KCNH5: variants seen among roughly 807,000 people sequenced by gnomAD.
KCNH5 encodes the protein potassium voltage-gated channel subfamily H member 5.
KCNH5 carries 46 observed loss-of-function variants against 96.1 expected under a neutral mutation model. The ratio of observed to expected loss-of-function variants is 0.48; its 90% CI spans 0.38 to 0.61. The LOEUF (loss-of-function observed/expected upper bound fraction) is 0.61. Ranked by LOEUF, KCNH5 falls within the 20% of genes least tolerant of loss-of-function variation. The pLI is 0.00. For synonymous variants in KCNH5, 439 were observed against 449.8 expected (o/e 0.98, Z 0.30); for missense variants, 907 against 1,225.8 (o/e 0.74, Z 3.88).
At chr14:62,838,163 A>G (rs773680896) in intron 8 of KCNH5, among the ~76,000 whole-genome samples, 1 of 152,310 alleles carries the variant, frequency 6.6e-6, no homozygotes, top group Non-Finnish European at 1.5e-5. Context: ...AAAATCTTGG[A>G]AAAGATCATC....
intron 7 of KCNH5, among the ~76,000 whole-genome samples, chr14:62,892,852 T>C (rs1486845950): frequency 6.6e-6 from 1 of 152,214 alleles, no homozygotes; most frequent in Non-Finnish European, 1.5e-5. Context: ...TGAGACCTGG[T>C]GTACCCCCCC....
chr14:62,888,785 C>G (rs957661514), intron 7 of KCNH5, among the ~76,000 whole-genome samples: 2 of 152,260 alleles, frequency 1.3e-5, no homozygotes, highest in East Asian at 3.9e-4. Context: ...CATAATTCAT[C>G]TGGACCTGTA....
intron 7 of KCNH5, among the ~76,000 whole-genome samples, chr14:62,888,695 G>A (rs1412732171): frequency 6.6e-6 from 1 of 152,106 alleles, no homozygotes; most frequent in African/African-American, 2.4e-5. Flanking sequence ...AAGTTTCTGT[G>A]CATATGTTGA....
At chr14:62,977,973 G>C (rs1284397484) in intron 6 of KCNH5, among the ~76,000 whole-genome samples, 1 of 152,180 alleles carries the variant, frequency 6.6e-6, no homozygotes, top group African/African-American at 2.4e-5. Context: ...AAAAGTTGCA[G>C]TTATGGACAA....
chr14:62,838,306 G>C (rs1051030983), intron 8 of KCNH5, among the ~76,000 whole-genome samples: 1 of 152,088 alleles, frequency 6.6e-6, no homozygotes, highest in African/African-American at 2.4e-5. Flanking sequence ...TATTCCAACT[G>C]CACTACCTCT....
intron 8 of KCNH5, 128 bp from the exon 9 acceptor site, chr14:62,802,709 C>T: frequency 8.8e-7 from 1 of 1,136,084 alleles, no homozygotes. Flanking sequence ...TTGCTGGGTA[C>T]TGGGAAGGCA....
intron 6 of KCNH5, among the ~76,000 whole-genome samples, chr14:62,970,524 G>A (rs1464761958): frequency 6.6e-6 from 1 of 152,160 alleles, no homozygotes; most frequent in South Asian, 2.1e-4. Context: ...ACCAGACAAA[G>A]ACATTACAAG....
At chr14:62,878,042 C>G (rs374053631) in intron 7 of KCNH5, among the ~76,000 whole-genome samples, 45 of 149,214 alleles carry the variant, frequency 3.0e-4, no homozygotes, top group Middle Eastern at 3.4e-3. Flanking sequence ...CATGTCCTTT[C>G]TAGGGACATG....
chr14:62,752,697 G>A (rs1885528065), intron 10 of KCNH5, among the ~76,000 whole-genome samples: 1 of 152,112 alleles, frequency 6.6e-6, no homozygotes, highest in South Asian at 2.1e-4. Flanking sequence ...CCTGGTGGGA[G>A]GTGATTGGAT....
At chr14:63,036,116 GT>G (rs1891716556) in intron 1 of KCNH5, among the ~76,000 whole-genome samples, 1 of 152,218 alleles carries the variant, frequency 6.6e-6, no homozygotes, top group African/African-American at 2.4e-5. Context: ...GACAGAAGCT[GT>G]TTTAGGAACG....
chr14:62,771,067 G>C (rs1885975814), intron 10 of KCNH5, among the ~76,000 whole-genome samples: 1 of 152,162 alleles, frequency 6.6e-6, no homozygotes, highest in Admixed American at 6.5e-5. Flanking sequence ...AGGCACTGCA[G>C]GGATGCCATG....
chr14:63,036,869 GT>G (rs1218074281), intron 1 of KCNH5, among the ~76,000 whole-genome samples: 1 of 152,032 alleles, frequency 6.6e-6, no homozygotes, highest in Non-Finnish European at 1.5e-5. Flanking sequence ...GGGGAATATA[GT>G]TTCAAACCTT....
chr14:62,798,188 C>T (rs554956863), intron 9 of KCNH5, among the ~76,000 whole-genome samples: 1 of 152,272 alleles, frequency 6.6e-6, no homozygotes, highest in East Asian at 1.9e-4. Flanking sequence ...CATAAACAAA[C>T]ATAGCTCTCT....
At chr14:62,744,730 C>T (rs1481945579) in intron 10 of KCNH5, among the ~76,000 whole-genome samples, 3 of 152,160 alleles carry the variant, frequency 2.0e-5, no homozygotes, top group Non-Finnish European at 4.4e-5. Context: ...CCACATTTCA[C>T]ACTACGGTCA....
At chr14:63,035,154 G>T (rs1392389637) in intron 1 of KCNH5, among the ~76,000 whole-genome samples, 1 of 151,994 alleles carries the variant, frequency 6.6e-6, no homozygotes, top group African/African-American at 2.4e-5. Flanking sequence ...TTTATAAGAG[G>T]AAAAAAGTAT....
chr14:62,820,729 TC>T (rs1887098249), intron 8 of KCNH5, among the ~76,000 whole-genome samples: 1 of 152,122 alleles, frequency 6.6e-6, no homozygotes, highest in African/African-American at 2.4e-5. Flanking sequence ...TTTTCTTTAT[TC>T]AATCTATCAT....
intron 6 of KCNH5, among the ~76,000 whole-genome samples, chr14:62,965,847 T>C (rs1307095029): frequency 6.6e-6 from 1 of 152,170 alleles, no homozygotes; most frequent in Admixed American, 6.5e-5. Flanking sequence ...TGTCATTAAA[T>C]AGATGTTCTT....
At chr14:62,893,888 T>C (rs906303337) in intron 7 of KCNH5, among the ~76,000 whole-genome samples, 1 of 152,204 alleles carries the variant, frequency 6.6e-6, no homozygotes, top group Non-Finnish European at 1.5e-5. Flanking sequence ...TTGTGAAGAC[T>C]GCATGCAAAC....
intron 8 of KCNH5, among the ~76,000 whole-genome samples, chr14:62,819,064 T>C (rs1307911247): frequency 4.6e-5 from 7 of 152,212 alleles, no homozygotes; most frequent in Admixed American, 4.6e-4. Context: ...CCTTCCGGGT[T>C]CACGCCATTC....
Sources: allele counts gnomAD v4.1 joint callset (sites outside exome capture counted in the v4.1 genomes callset), GRCh38; gene constraint gnomAD v4.1.1; transcripts MANE v1.5; gene names NCBI Gene and HGNC (gene_info 2026-07-23, HGNC 2026-07-21).